SUGCT: variants seen among roughly 807,000 people sequenced by gnomAD.
The protein encoded by SUGCT is succinyl-CoA:glutarate-CoA transferase, also known as succinyl-CoA:glutarate CoA-transferase.
A neutral mutation model predicts 55.0 loss-of-function variants in SUGCT; 41 were observed. The observed-to-expected ratio is 0.74, with a 90% CI of 0.58 to 0.97. SUGCT has a LOEUF of 0.97. Ranked by LOEUF, SUGCT falls within the 50% of genes least tolerant of loss-of-function variation. The pLI, the probability that SUGCT is intolerant of heterozygous loss-of-function variation, is 0.00. For missense variants in SUGCT, 568 were observed against 547.8 expected, an observed-to-expected ratio of 1.04 and a Z score of -0.37; for synonymous variants, 187 against 200.4, an observed-to-expected ratio of 0.93 and a Z score of 0.56.
chr7:40,276,763 C>T (rs887216957), intron 8 of SUGCT, among the ~76,000 whole-genome samples: 1 of 151,818 alleles, frequency 6.6e-6, no homozygotes, highest in Non-Finnish European at 1.5e-5. Flanking sequence ...CATATACACA[C>T]AGGTATATAG....
chr7:40,180,838 T>C (rs1785155334), intron 1 of SUGCT, 109 bp from the exon 2 acceptor site: 1 of 835,452 alleles, frequency 1.2e-6, no homozygotes, highest in African/African-American at 1.7e-5. Flanking sequence ...ACTCCCTTGC[T>C]AAGAATCACT....
At chr7:40,913,008 A>ATTTTTTTTTTTTTTTTTTTTTTTTTTT in the SUGCT span, among the ~76,000 whole-genome samples, 1 of 121,588 alleles carries the variant, frequency 8.2e-6, no homozygotes, top group African/African-American at 3.3e-5. Context: ...GCTGGATCCA[A>ATTTTTTTTTTTTTTTTTTTTTTTTTTT]TTTTTTTTTT....
chr7:40,788,224 G>A (rs1378777387), intron 13 of SUGCT, among the ~76,000 whole-genome samples: 1 of 152,140 alleles, frequency 6.6e-6, no homozygotes, highest in Non-Finnish European at 1.5e-5. Flanking sequence ...GCCATAATGA[G>A]GCAGGACCCC....
At chr7:40,816,839 T>C (rs1393784534) in intron 13 of SUGCT, among the ~76,000 whole-genome samples, 1 of 152,210 alleles carries the variant, frequency 6.6e-6, no homozygotes, top group African/African-American at 2.4e-5. Context: ...TAGGTGAAGT[T>C]ATCACAACTC....
intron 12 of SUGCT, among the ~76,000 whole-genome samples, chr7:40,709,576 C>T (rs1210265826): frequency 1.3e-5 from 2 of 152,170 alleles, no homozygotes; most frequent in African/African-American, 4.8e-5. Context: ...GCTTCCCAGG[C>T]ATCTCTCCTT....
chr7:40,366,371 A>G (rs1240405032), intron 9 of SUGCT, among the ~76,000 whole-genome samples: 1 of 152,210 alleles, frequency 6.6e-6, no homozygotes, highest in African/African-American at 2.4e-5. Flanking sequence ...CTACATGTCT[A>G]AAACACCAAA....
rs1787640083 is a variant in SUGCT at position 40,135,604 on chromosome 7, C to T, written c.100+484C>T. 3.3e-5 allele frequency among the ~76,000 whole-genome samples: 5 copies of T among 152,330 alleles called. No homozygotes were observed. The South Asian group carries it at 1.0e-3, about 32-fold the overall frequency. ...ACAGTGTTATAGAACTTTCTTTACT[C>T]CCTCTGAATTTGGGAATGGTAATCC... On this transcript the variant is annotated intron_variant, in intron 1 of 13. Transcript: ENST00000335693.
the SUGCT span, among the ~76,000 whole-genome samples, chr7:40,950,892 C>G: frequency 2.1e-4 from 32 of 152,272 alleles, no homozygotes; most frequent in African/African-American, 7.5e-4. Flanking sequence ...CATCGATGTT[C>G]ATCGGGGATA....
At chr7:40,435,603 T>G (rs1195123072) in intron 9 of SUGCT, among the ~76,000 whole-genome samples, 7 of 152,180 alleles carry the variant, frequency 4.6e-5, no homozygotes, top group Admixed American at 4.6e-4. Flanking sequence ...TTATCTGATA[T>G]TCAGCCACCT....
intron 9 of SUGCT, among the ~76,000 whole-genome samples, chr7:40,343,445 A>G (rs954841869): frequency 2.0e-5 from 3 of 152,138 alleles, no homozygotes; most frequent in African/African-American, 4.8e-5. Context: ...CATTGAAACT[A>G]TATCTGGTGT....
intron 10 of SUGCT, 110 bp downstream of exon 10, chr7:40,449,468 A>T (rs1789071208): frequency 1.3e-6 from 1 of 741,792 alleles, no homozygotes; most frequent in South Asian, 1.5e-5. Context: ...AACTAAAAGT[A>T]TAGGATATTC....
At chr7:40,873,082 T>A in the SUGCT span, among the ~76,000 whole-genome samples, 5 of 152,046 alleles carry the variant, frequency 3.3e-5, no homozygotes, top group African/African-American at 1.2e-4. Context: ...AGTCATAGGG[T>A]CTTCTCTACA....
chr7:41,006,884 T>A, the SUGCT span, among the ~76,000 whole-genome samples: 1 of 152,214 alleles, frequency 6.6e-6, no homozygotes, highest in African/African-American at 2.4e-5. Context: ...ATTGATTGAA[T>A]ACCTTGGCAG....
chr7:40,493,813 T>C (rs1054228650), intron 11 of SUGCT, among the ~76,000 whole-genome samples: 1 of 152,188 alleles, frequency 6.6e-6, no homozygotes, highest in Admixed American at 6.5e-5. Flanking sequence ...GCTTACAGCT[T>C]TTTGCATAAA....
At chr7:40,335,096 T>G (rs1190356819) in intron 9 of SUGCT, among the ~76,000 whole-genome samples, 1 of 152,218 alleles carries the variant, frequency 6.6e-6, no homozygotes, top group Non-Finnish European at 1.5e-5. Context: ...GGCTCTGTTC[T>G]GTTCCATTGG....
chr7:40,264,288 G>A (rs1791415139), intron 7 of SUGCT, among the ~76,000 whole-genome samples: 1 of 152,128 alleles, frequency 6.6e-6, no homozygotes, highest in Admixed American at 6.6e-5. Flanking sequence ...AATAGACTTT[G>A]TTATGCCTGT....
At chr7:40,727,726 G>A (rs994091530) in intron 12 of SUGCT, among the ~76,000 whole-genome samples, 7 of 152,180 alleles carry the variant, frequency 4.6e-5, no homozygotes, top group Non-Finnish European at 7.3e-5. Flanking sequence ...TAGTAACTAT[G>A]TGCAGAAAGA....
chr7:40,888,254 C>T, the SUGCT span, among the ~76,000 whole-genome samples: 1 of 152,148 alleles, frequency 6.6e-6, no homozygotes, highest in Non-Finnish European at 1.5e-5. Flanking sequence ...CTGCTTCCAA[C>T]ATGGACTTGG....
the SUGCT span, among the ~76,000 whole-genome samples, chr7:41,011,211 G>C: frequency 1.3e-5 from 2 of 152,194 alleles, no homozygotes; most frequent in Admixed American, 1.3e-4. Flanking sequence ...CAGCCATCCA[G>C]ATGAGATCAG....
Sources: allele counts gnomAD v4.1 joint callset (sites outside exome capture counted in the v4.1 genomes callset), GRCh38; gene constraint gnomAD v4.1.1; transcripts MANE v1.5; gene names NCBI Gene and HGNC (gene_info 2026-07-23, HGNC 2026-07-21).